Variants in CFDP1 observed in about 807,000 individuals in gnomAD.
CFDP1 encodes the protein heterochromatin-stabilizing protein CFDP1.
A neutral mutation model predicts 40.1 loss-of-function variants in CFDP1; 31 were observed. The ratio of observed to expected loss-of-function variants is 0.77; its 90% CI spans 0.58 to 1.04. The LOEUF (loss-of-function observed/expected upper bound fraction) is 1.04, where lower values mean the gene tolerates loss of function less well. CFDP1 is among the 50% of genes least tolerant of loss of function. The pLI is 0.00. For missense variants in CFDP1, 423 were observed against 343.4 expected, an observed-to-expected ratio of 1.23 and a Z score of -1.83; for synonymous variants, 167 against 120.0, an observed-to-expected ratio of 1.39 and a Z score of -2.56.
At chr16:75,414,504 T>A in intron 2 of CFDP1, 74 bp downstream of exon 2, 2 of 875,226 alleles carry the variant, frequency 2.3e-6, no homozygotes, top group Non-Finnish European at 3.8e-6. Context: ...AAATCTATCA[T>A]GAGACCAATC....
chr16:75,316,093 T>A (rs182846890), intron 5 of CFDP1, among the ~76,000 whole-genome samples: 11 of 143,076 alleles, frequency 7.7e-5, no homozygotes, highest in African/African-American at 3.0e-4. Flanking sequence ...TAGATTCAGG[T>A]TAAATATTTT....
intron 5 of CFDP1, among the ~76,000 whole-genome samples, chr16:75,326,672 G>C (rs1466349601): frequency 6.6e-6 from 1 of 152,182 alleles, no homozygotes; most frequent in African/African-American, 2.4e-5. Flanking sequence ...TGCCTGGTAA[G>C]AACGTCAGGG....
rs143490014 is a variant in CFDP1 at position 75,360,485 on chromosome 16, C to T, written c.650+34605G>A. Among the ~76,000 whole-genome samples the T allele has an allele frequency of 3.0e-3, 460 of 152,290 alleles. 3 individuals carry two copies. Among genetic ancestry groups the T allele is most frequent in the African/African-American group, 0.011 (449 of 41,562 alleles). ...CTAATTTTGTAAAAATAATTTAGCA[C>T]CAGAGGGTCCAAAACAGGTTTTTGT... On this transcript the variant is annotated intron_variant, in intron 5 of 6. Coordinates refer to ENST00000283882, the MANE Select transcript of CFDP1 (RefSeq NM_006324.3).
intron 5 of CFDP1, among the ~76,000 whole-genome samples, chr16:75,368,566 C>T (rs2078732164): frequency 6.6e-6 from 1 of 152,174 alleles, no homozygotes; most frequent in African/African-American, 2.4e-5. Context: ...CTTGATAACA[C>T]ATATAAAGGA....
intron 5 of CFDP1, among the ~76,000 whole-genome samples, chr16:75,358,357 G>C (rs1223538705): frequency 6.6e-6 from 1 of 152,090 alleles, no homozygotes; most frequent in Non-Finnish European, 1.5e-5. Flanking sequence ...TGTCATTTTA[G>C]CAGCTTTTCT....
intron 5 of CFDP1, among the ~76,000 whole-genome samples, chr16:75,387,051 A>C (rs1453298761): frequency 6.6e-6 from 1 of 152,224 alleles, no homozygotes; most frequent in African/African-American, 2.4e-5. Flanking sequence ...AAAACAAATT[A>C]AGAATAAGTT....
At chr16:75,342,609 C>G (rs2078534578) in intron 5 of CFDP1, among the ~76,000 whole-genome samples, 1 of 152,108 alleles carries the variant, frequency 6.6e-6, no homozygotes, top group Admixed American at 6.5e-5. Context: ...CATCTGCACA[C>G]GTGGGCTCTA....
At chr16:75,297,195 T>TGTGTGTGTG (rs1491320265) in intron 6 of CFDP1, among the ~76,000 whole-genome samples, 170 of 150,020 alleles carry the variant, frequency 1.1e-3, no homozygotes, top group Non-Finnish European at 1.6e-3. Context: ...TGTGTGTGTG[T>TGTGTGTGTG]TTTTAGTAGA....
chr16:75,319,679 C>T (rs1020548493), intron 5 of CFDP1, among the ~76,000 whole-genome samples: 1 of 152,144 alleles, frequency 6.6e-6, no homozygotes, highest in African/African-American at 2.4e-5. Flanking sequence ...TCCCAACCTG[C>T]CCCTCTTCCT....
At chr16:75,350,394 T>C (rs1481050907) in intron 5 of CFDP1, among the ~76,000 whole-genome samples, 2 of 152,214 alleles carry the variant, frequency 1.3e-5, no homozygotes, top group African/African-American at 2.4e-5. Context: ...TGCCAACACT[T>C]GCTATTTCCA....
At chr16:75,314,336 A>G (rs2078312151) in intron 5 of CFDP1, among the ~76,000 whole-genome samples, 1 of 152,222 alleles carries the variant, frequency 6.6e-6, no homozygotes, top group Non-Finnish European at 1.5e-5. Context: ...ATGGACCGTG[A>G]AAACATTACG....
At chr16:75,384,913 A>G (rs1213920577) in intron 5 of CFDP1, among the ~76,000 whole-genome samples, 2 of 136,550 alleles carry the variant, frequency 1.5e-5, no homozygotes, top group Non-Finnish European at 3.2e-5. Flanking sequence ...AGACCAGTAC[A>G]GACAGGGTAA....
intron 5 of CFDP1, among the ~76,000 whole-genome samples, chr16:75,375,914 G>A (rs781005722): frequency 2.0e-5 from 3 of 152,156 alleles, no homozygotes; most frequent in Non-Finnish European, 4.4e-5. Flanking sequence ...CTGTTTGGCA[G>A]TTTCTTATAA....
chr16:75,378,680 C>T (rs2151545623), intron 5 of CFDP1, among the ~76,000 whole-genome samples: 1 of 152,062 alleles, frequency 6.6e-6, no homozygotes, highest in East Asian at 1.9e-4. Flanking sequence ...ACAATAAAGG[C>T]TATTAAACAA....
chr16:75,367,600 T>G (rs1567658864), intron 5 of CFDP1, among the ~76,000 whole-genome samples: 1 of 151,392 alleles, frequency 6.6e-6, no homozygotes, highest in Non-Finnish European at 1.5e-5. Context: ...CAAGACCAGC[T>G]TGGCCAACAT....
chr16:75,432,458 G>A (rs1170465834), intron 1 of CFDP1, among the ~76,000 whole-genome samples: 1 of 151,288 alleles, frequency 6.6e-6, no homozygotes, highest in Admixed American at 6.6e-5. Context: ...GGCTGAGACG[G>A]GAGGATCGCT....
intron 5 of CFDP1, among the ~76,000 whole-genome samples, chr16:75,370,196 G>T (rs185753347): frequency 0.015 from 2,339 of 151,866 alleles, 57 homozygotes; most frequent in African/African-American, 0.053. Flanking sequence ...AGGTTCAAGT[G>T]ATTCTCCTGC....
chr16:75,333,059 C>T (rs12716785), intron 5 of CFDP1, among the ~76,000 whole-genome samples: 24,938 of 150,940 alleles, frequency 0.17, 2,226 homozygotes, highest in Middle Eastern at 0.23. Context: ...CTGCCTGCTT[C>T]GGCCTCCCAA....
chr16:75,411,374 G>A (rs541160440), intron 4 of CFDP1, among the ~76,000 whole-genome samples: 1 of 152,260 alleles, frequency 6.6e-6, no homozygotes, highest in East Asian at 1.9e-4. Context: ...TCACGCCACT[G>A]CATTCCATCC....
Sources: allele counts gnomAD v4.1 joint callset (sites outside exome capture counted in the v4.1 genomes callset), GRCh38; gene constraint gnomAD v4.1.1; transcripts MANE v1.5; gene names NCBI Gene and HGNC (gene_info 2026-07-23, HGNC 2026-07-21).